The following RFX3 variants were observed in gnomAD, a reference collection of about 807,000 sequenced individuals.
RFX3 encodes the protein transcription factor RFX3.
In RFX3, 14 loss-of-function variants were observed where a neutral mutation model predicts 98.6. That is an observed-to-expected ratio of 0.14 (90% confidence interval 0.09 to 0.22). The LOEUF (loss-of-function observed/expected upper bound fraction) is 0.22, where lower values mean the gene tolerates loss of function less well. Ranked by LOEUF, RFX3 falls within the 10% of genes least tolerant of loss-of-function variation. The pLI is 1.00. For synonymous variants in RFX3, 383 were observed against 328.4 expected, an observed-to-expected ratio of 1.17 and a Z score of -1.80; for missense variants, 639 against 926.9, an observed-to-expected ratio of 0.69 and a Z score of 4.03.
intron 4 of RFX3, among the ~76,000 whole-genome samples, chr9:3,324,526 C>A (rs1190155226): frequency 6.7e-6 from 1 of 148,604 alleles, no homozygotes; most frequent in Non-Finnish European, 1.5e-5. Context: ...AACAAAAAGT[C>A]TCCAAGACAT....
chr9:3,339,368 C>T (rs963638796), intron 3 of RFX3, among the ~76,000 whole-genome samples: 23 of 151,860 alleles, frequency 1.5e-4, no homozygotes, highest in African/African-American at 5.1e-4. Context: ...TTGAAGTCAC[C>T]GATAAAAATT....
At chr9:3,283,208 G>C (rs1826136247) in intron 7 of RFX3, among the ~76,000 whole-genome samples, 1 of 151,668 alleles carries the variant, frequency 6.6e-6, no homozygotes, top group Non-Finnish European at 1.5e-5. Context: ...CTGACCAATT[G>C]CCAGGCTTCA....
chr9:3,464,653 G>C (rs144189008), intron 1 of RFX3, among the ~76,000 whole-genome samples: 1 of 152,138 alleles, frequency 6.6e-6, no homozygotes, highest in Non-Finnish European at 1.5e-5. Context: ...ACAAACTTGT[G>C]GGGGTGATGG....
Position 3,301,456 on chromosome 9 carries a change from A to G in RFX3, c.549+90T>C, listed in dbSNP as rs547827464. The G allele has an allele frequency of 4.6e-6, 4 of 875,900 alleles. No homozygotes were observed. The African/African-American group carries it at 6.7e-5, about 15-fold the overall frequency. The allele number at this position is 875,900 out of a possible 1,614,324, so 54.3% of individuals were successfully genotyped here. On this transcript the variant is annotated intron_variant, in intron 5 of 16. Transcript: ENST00000617270. ...AAGGGAAGGTTAAGAAGCAAAATAA[A>G]TAAGTAAATAAATAAAACAAGCATT... is the stretch of plus-strand genomic sequence containing the variant.
intron 2 of RFX3, among the ~76,000 whole-genome samples, chr9:3,349,562 C>G (rs868127750): frequency 3.3e-5 from 5 of 152,164 alleles, no homozygotes; most frequent in Non-Finnish European, 7.4e-5. Context: ...ACCCCTGCTG[C>G]TTCTATCTTA....
intron 1 of RFX3, among the ~76,000 whole-genome samples, chr9:3,499,384 T>G (rs1041033359): frequency 6.6e-6 from 1 of 152,024 alleles, no homozygotes; most frequent in African/African-American, 2.4e-5. Context: ...CAACATTTCA[T>G]TATAAAAACA....
At chr9:3,312,860 G>A (rs537725104) in intron 4 of RFX3, among the ~76,000 whole-genome samples, 10 of 152,244 alleles carry the variant, frequency 6.6e-5, no homozygotes, top group East Asian at 1.9e-4. Flanking sequence ...TAAACAAAGC[G>A]GCCTGGAAGC....
chr9:3,315,907 C>G (rs1214966805), intron 4 of RFX3, among the ~76,000 whole-genome samples: 1 of 152,048 alleles, frequency 6.6e-6, no homozygotes, highest in Non-Finnish European at 1.5e-5. Flanking sequence ...AAAAAAAGTC[C>G]AGGACCAGAC....
rs763133487 is a variant in RFX3 at position 3,452,414 on chromosome 9, G to A, written c.-8-56818C>T. The stretch of plus-strand genomic sequence containing the variant: ...AAGTCCAGCTTGGGCAACATACGGA[G>A]ACACCAGGTCTATAAAATAATAAAA... On this transcript the variant is annotated intron_variant, in intron 1 of 16. Coordinates refer to ENST00000617270, the MANE Select transcript of RFX3 (RefSeq NM_001282116.2). The A allele has an allele frequency of 2.5e-5, 7 of 283,364 alleles. 1 individual carries two copies. Among genetic ancestry groups the A allele is most frequent in the South Asian group, 2.1e-4 (7 of 33,006 alleles). 17.6% of individuals were successfully genotyped at this position (283,364 alleles called of 1,614,324 possible). A position where few individuals can be genotyped will look rare whatever the true frequency, so the allele number is the denominator to read the frequency against.
intron 15 of RFX3, among the ~76,000 whole-genome samples, chr9:3,241,232 T>G (rs1283123708): frequency 1.8e-4 from 27 of 151,902 alleles, no homozygotes; most frequent in Non-Finnish European, 3.5e-4. Flanking sequence ...TTGTTTTTTT[T>G]TTTTTTGCCC....
At chr9:3,387,431 T>C (rs1163016212) in intron 2 of RFX3, among the ~76,000 whole-genome samples, 1 of 152,146 alleles carries the variant, frequency 6.6e-6, no homozygotes, top group Non-Finnish European at 1.5e-5. Flanking sequence ...ACTACTTAAA[T>C]AGTAGAGCTC....
At chr9:3,470,602 C>G (rs1021316043) in intron 1 of RFX3, among the ~76,000 whole-genome samples, 1 of 152,086 alleles carries the variant, frequency 6.6e-6, no homozygotes, top group African/African-American at 2.4e-5. Flanking sequence ...GCTGGGATTA[C>G]AGGCAGTGAG....
intron 1 of RFX3, among the ~76,000 whole-genome samples, chr9:3,439,733 T>C (rs555793316): frequency 1.3e-5 from 2 of 152,170 alleles, no homozygotes; most frequent in South Asian, 2.1e-4. Flanking sequence ...AATACTAACA[T>C]GTTTCCCATA....
intron 1 of RFX3, among the ~76,000 whole-genome samples, chr9:3,410,161 C>CTGTGTGTG (rs555349379): frequency 0.13 from 15,321 of 113,908 alleles, 1,357 homozygotes; most frequent in Non-Finnish European, 0.16. Flanking sequence ...GTGAGATAAA[C>CTGTGTGTG]TGTGTGTGTG....
intron 4 of RFX3, among the ~76,000 whole-genome samples, chr9:3,319,315 T>G (rs927691531): frequency 6.6e-6 from 1 of 152,134 alleles, no homozygotes; most frequent in African/African-American, 2.4e-5. Context: ...CTCCAGAGGA[T>G]GCACACTCAA....
chr9:3,359,528 G>C (rs1395085803), intron 2 of RFX3, among the ~76,000 whole-genome samples: 1 of 152,056 alleles, frequency 6.6e-6, no homozygotes, highest in East Asian at 1.9e-4. Context: ...CCAGACACAG[G>C]ATGGGAAATG....
intron 1 of RFX3, among the ~76,000 whole-genome samples, chr9:3,440,035 A>G (rs1044575800): frequency 6.6e-6 from 1 of 152,090 alleles, no homozygotes; most frequent in Admixed American, 6.5e-5. Context: ...TAGGCACCTA[A>G]AAGTATTTAA....
intron 2 of RFX3, among the ~76,000 whole-genome samples, chr9:3,374,859 A>G (rs1838274486): frequency 6.5e-5 from 2 of 30,988 alleles, no homozygotes; most frequent in African/African-American, 2.5e-4. Flanking sequence ...AATTTTTAAA[A>G]ATACAGGTTA....
At chr9:3,522,556 CGTGTGTGTGTGTGTGT>C (rs111656079) in intron 1 of RFX3, among the ~76,000 whole-genome samples, 1 of 145,284 alleles carries the variant, frequency 6.9e-6, no homozygotes, top group African/African-American at 2.5e-5. Context: ...AGTGTGTGTG[CGTGTGTGTGTGTGTGT>C]GTGTGTGTGT....
Sources: allele counts gnomAD v4.1 joint callset (sites outside exome capture counted in the v4.1 genomes callset), GRCh38; gene constraint gnomAD v4.1.1; transcripts MANE v1.5; gene names NCBI Gene and HGNC (gene_info 2026-07-23, HGNC 2026-07-21).